TMPO: variants seen among roughly 807,000 people sequenced by gnomAD.
The protein encoded by TMPO is LEM domain containing 4.
Under a neutral mutation model 45.4 loss-of-function variants are expected in TMPO, and 22 were observed. The observed-to-expected ratio is 0.48, with a 90% CI of 0.35 to 0.69. The LOEUF is 0.69. Among genes scored for constraint, TMPO ranks in the 30% least tolerant of loss-of-function variants. TMPO has a pLI of 0.01. For synonymous variants in TMPO, 241 were observed against 204.1 expected (o/e 1.18, Z -1.54); for missense variants, 512 against 548.8 (o/e 0.93, Z 0.67).
In TMPO at chr12:98,546,459, C is replaced by G. The variant is rs754465912; in HGVS notation, c.1079+12C>G. The G allele has an allele frequency of 6.5e-7, 1 of 1,526,790 alleles. No homozygotes were observed. Among genetic ancestry groups the G allele is most frequent in the Non-Finnish European group, 9.1e-7 (1 of 1,100,580 alleles). 94.6% of individuals were successfully genotyped at this position (1,526,790 alleles called of 1,614,324 possible). ...CCAACAGGAATTAGGTATTCAGATA[C>G]ATTTAAACAAGTACTAGTGTATTCT... is the stretch of plus-strand genomic sequence containing the variant. On this transcript the variant is annotated intron_variant, in intron 8 of 8. Coordinates refer to ENST00000556029, the MANE Select transcript of TMPO (RefSeq NM_001032283.3).
chr12:98,529,571 TA>T (rs201842375), intron 2 of TMPO, among the ~76,000 whole-genome samples: 10 of 152,130 alleles, frequency 6.6e-5, no homozygotes, highest in East Asian at 3.9e-4. Context: ...ATTTTATTAT[TA>T]TTTTTTTTTT....
At chr12:98,523,782 T>G (rs1042411088) in intron 1 of TMPO, among the ~76,000 whole-genome samples, 10 of 152,186 alleles carry the variant, frequency 6.6e-5, no homozygotes, top group Admixed American at 3.9e-4. Context: ...TTCAAGTGAT[T>G]CTCCAGCCTC....
intron 2 of TMPO, among the ~76,000 whole-genome samples, chr12:98,529,890 G>A (rs1449176404): frequency 2.0e-5 from 3 of 152,258 alleles, no homozygotes; most frequent in African/African-American, 4.8e-5. Flanking sequence ...AATTGTGGAC[G>A]CTAGAGATTT....
Position 98,548,004 on chromosome 12 carries a change from T to G in TMPO, c.*146T>G, listed in dbSNP as rs1878329422. On this transcript the variant is annotated 3_prime_UTR_variant, in exon 9 of 9. Transcript: ENST00000556029. ...GTATTTCATTGAAAAGCAAACAAAATATATATAAATGGACTTCATTAAAAT... is the reference window on the plus strand; with the variant it reads ...GTATTTCATTGAAAAGCAAACAAAAGATATATAAATGGACTTCATTAAAAT... The G allele has an allele frequency of 1.1e-6, 1 of 900,186 alleles. No individual in the cohort carries two copies. The highest frequency in any genetic ancestry group is 2.7e-5 in the Admixed American group (1 of 37,444). 55.8% of individuals were successfully genotyped at this position (900,186 alleles called of 1,614,324 possible).
chr12:98,544,401 A>G lies in TMPO; in HGVS notation c.784-41A>G, dbSNP rs376808929. On this transcript the variant is annotated intron_variant, in intron 5 of 8. Transcript: ENST00000556029. ...TTCAGATTTGTAGGGTTTTAGTATT[A>G]TTTTATATTTATTGTTTTTGTTTTG... The G allele has an allele frequency of 9.3e-6, 15 of 1,612,432 alleles. No individual in the cohort carries two copies. The African/African-American group carries it at 2.0e-4, about 22-fold the overall frequency.
rs970110249 is a variant in TMPO at position 98,516,259 on chromosome 12, G to A, written c.279+113G>A. ...CGCCCCCTCGGGCCTCCCAGGTGCG[G>A]GGCTGTCCCTGCGCCCCCTCGCGTC... On this transcript the variant is annotated intron_variant, in intron 1 of 8. Coordinates refer to ENST00000556029, the MANE Select transcript of TMPO (RefSeq NM_001032283.3). 4 of 1,272,054 alleles carry A rather than the reference G, an allele frequency of 3.1e-6. No individual in the cohort carries two copies. The African/African-American group carries it at 4.7e-5, about 15-fold the overall frequency. 78.8% of individuals were successfully genotyped at this position (1,272,054 alleles called of 1,614,324 possible).
At chr12:98,521,100 A>AT (rs398044704) in intron 1 of TMPO, among the ~76,000 whole-genome samples, 3,237 of 76,678 alleles carry the variant, frequency 0.042, 249 homozygotes, top group East Asian at 0.12. Context: ...TTTATGAGGA[A>AT]TTTTTTTTTT....
At chr12:98,544,398 ATTATT>A (rs1246610938) in intron 5 of TMPO, 39 bp from the exon 6 acceptor site, 1 of 1,612,540 alleles carries the variant, frequency 6.2e-7, no homozygotes, top group South Asian at 1.1e-5. Flanking sequence ...GGGTTTTAGT[ATTATT>A]TTATATTTAT....
intron 1 of TMPO, among the ~76,000 whole-genome samples, chr12:98,520,778 T>C (rs1876286076): frequency 6.6e-6 from 1 of 151,876 alleles, no homozygotes; most frequent in African/African-American, 2.4e-5. Context: ...TAAAGACTGT[T>C]AGCCAGGATG....
At position 98,548,700 on chromosome 12, in the gene TMPO, T is replaced by G. The variant is rs539306775; in HGVS notation, c.*842T>G. On this transcript the variant is annotated 3_prime_UTR_variant, in exon 9 of 9. Coordinates refer to ENST00000556029, the MANE Select transcript of TMPO (RefSeq NM_001032283.3). ...TTAGATAAGTGTGTGTATGTTTGTT[T>G]AGAAGTTAGAAATTGTAAACACTGG... The G allele has an allele frequency of 3.9e-5, 6 of 152,376 alleles. No individual in the cohort carries two copies. Among genetic ancestry groups the G allele is most frequent in the African/African-American group, 1.4e-4 (6 of 41,594 alleles). The allele number at this position is 152,376 out of a possible 1,614,324, so 9.4% of individuals were successfully genotyped here.
intron 7 of TMPO, 59 bp from the exon 8 acceptor site, chr12:98,546,300 T>A (rs1878223792): frequency 5.4e-6 from 6 of 1,103,882 alleles, no homozygotes; most frequent in African/African-American, 1.5e-5. Context: ...ATGTTTTAAT[T>A]ATTGCATGTT....
intron 1 of TMPO, among the ~76,000 whole-genome samples, chr12:98,516,765 C>T (rs988532285): frequency 2.0e-5 from 3 of 152,166 alleles, no homozygotes; most frequent in Admixed American, 6.6e-5. Flanking sequence ...TTAAAAGGAG[C>T]ATTTTAAACT....
intron 3 of TMPO, 29 bp from the exon 4 acceptor site, chr12:98,537,446 A>G: frequency 6.6e-7 from 1 of 1,525,004 alleles, no homozygotes; most frequent in Non-Finnish European, 9.1e-7. Context: ...TGTTTCAGAG[A>G]GTAATGGTTT....
rs1878416308 is a variant in TMPO, at chr12:98,549,525, G to A, written c.*1667G>A. The A allele has an allele frequency of 6.8e-6, 1 of 146,716 alleles. No homozygotes were observed. Among genetic ancestry groups the A allele is most frequent in the Non-Finnish European group, 1.5e-5 (1 of 66,326 alleles). 9.1% of individuals were successfully genotyped at this position (146,716 alleles called of 1,614,324 possible). ...TGTGGATGATTTTTTTTTTTAAGCT[G>A]AAACTTACCTCATGAATAACTTGAT... On this transcript the variant is annotated 3_prime_UTR_variant, in exon 9 of 9. Transcript: ENST00000556029.
chr12:98,544,708 A>T, intron 6 of TMPO, 171 bp downstream of exon 6: 1 of 657,136 alleles, frequency 1.5e-6, no homozygotes, highest in Non-Finnish European at 2.6e-6. Flanking sequence ...TTCCTATAAT[A>T]TCCAATTTAT....
chr12:98,517,574 A>G (rs1875958393), intron 1 of TMPO, among the ~76,000 whole-genome samples: 3 of 152,372 alleles, frequency 2.0e-5, no homozygotes, highest in South Asian at 2.1e-4. Flanking sequence ...CTCAGGCAGA[A>G]ATGAAAGACA....
At chr12:98,518,145 CAA>C (rs35978276) in intron 1 of TMPO, among the ~76,000 whole-genome samples, 11,888 of 98,196 alleles carry the variant, frequency 0.12, 1,046 homozygotes, top group African/African-American at 0.32. Context: ...GACTTCGTCT[CAA>C]AAAAAAAAAA....
In TMPO at chr12:98,531,701, A is replaced by C. The variant is rs1209946247; in HGVS notation, c.428A>C (p.Glu143Ala). 6.2e-7 allele frequency: 1 copy of C among 1,612,782 alleles called. No individual in the cohort carries two copies. Among genetic ancestry groups the C allele is most frequent in the Non-Finnish European group, 8.5e-7 (1 of 1,179,984 alleles). The change falls in exon 3 of 9, where the codon GAG becomes GCG. Residue 143 changes from glutamate to alanine, a missense_variant. Transcript: ENST00000556029. ...PIVGTTRKLY[E>A]KKLLKLREQG... is the part of the protein sequence containing the mutation. ...CCAGGAACAACCAGGAAGCTATATG[A>C]GAAAAAGCTTTTGAAACTGAGGGAA...
intron 4 of TMPO, 173 bp from the exon 5 acceptor site, chr12:98,544,057 G>T: frequency 1.5e-6 from 1 of 651,242 alleles, no homozygotes; most frequent in South Asian, 1.8e-5. Flanking sequence ...GTTTCCTGAT[G>T]CCTAAATATC....
Sources: gnomAD v4.1 joint callset for allele counts (sites outside exome capture counted in the v4.1 genomes callset) on GRCh38, gnomAD v4.1.1 for gene constraint, MANE v1.5 for transcripts, NCBI Gene and HGNC (gene_info 2026-07-23, HGNC 2026-07-21) for gene names.